The following DSCAML1 variants were observed in gnomAD, a reference collection of about 807,000 sequenced individuals.
DSCAML1 encodes cell adhesion molecule DSCAML1.
A neutral mutation model predicts 200.5 loss-of-function variants in DSCAML1; 38 were observed. The observed-to-expected ratio is 0.19, with a 90% CI of 0.15 to 0.25. DSCAML1 has a LOEUF of 0.25. Among genes scored for constraint, DSCAML1 ranks in the 10% least tolerant of loss-of-function variants. DSCAML1 has a pLI of 1.00. For synonymous variants in DSCAML1, 1,215 were observed against 1,165.0 expected (o/e 1.04, Z -0.87); for missense variants, 2,223 against 2,858.8 (o/e 0.78, Z 5.07).
intron 3 of DSCAML1, among the ~76,000 whole-genome samples, chr11:117,743,479 C>A (rs562533200): frequency 1.2e-4 from 19 of 152,342 alleles, no homozygotes; most frequent in East Asian, 1.9e-4. Context: ...CTCTGTCCCC[C>A]CAAGCTCCAC....
At chr11:117,794,631 C>T (rs974516370) in intron 1 of DSCAML1, among the ~76,000 whole-genome samples, 1 of 151,962 alleles carries the variant, frequency 6.6e-6, no homozygotes, top group Admixed American at 6.6e-5. Context: ...GTAACAGGCT[C>T]GAACATTCAC....
intron 3 of DSCAML1, among the ~76,000 whole-genome samples, chr11:117,666,161 C>T (rs1384916821): frequency 6.6e-6 from 1 of 152,190 alleles, no homozygotes; most frequent in Non-Finnish European, 1.5e-5. Context: ...GCATGGATCT[C>T]AGAAGGCCCT....
At position 117,464,673 on chromosome 11, in the gene DSCAML1, A is replaced by C. The variant is rs2048544227; in HGVS notation, c.3265+269T>G. On this transcript the variant is annotated intron_variant, in intron 17 of 32. Transcript: ENST00000651296. ...GGATGGGGAGACAGGTGGACAGACAAGTGCTCAGACAGGCCAACAGGTCAA... is the reference window on the plus strand; with the variant it reads ...GGATGGGGAGACAGGTGGACAGACACGTGCTCAGACAGGCCAACAGGTCAA... 3.3e-5 allele frequency among the ~76,000 whole-genome samples: 5 copies of C among 152,162 alleles called. No individual in the cohort carries two copies. In the South Asian group the frequency reaches 1.0e-3, roughly 32 times the overall value.
intron 3 of DSCAML1, among the ~76,000 whole-genome samples, chr11:117,624,840 C>T (rs1012352502): frequency 6.6e-6 from 1 of 152,076 alleles, no homozygotes. Context: ...GGCAGGGGCA[C>T]AGATTAATTT....
chr11:117,597,284 G>T (rs1039349465), intron 3 of DSCAML1, among the ~76,000 whole-genome samples: 4 of 152,152 alleles, frequency 2.6e-5, no homozygotes, highest in African/African-American at 9.7e-5. Context: ...TTCAGGACCG[G>T]GGACAGCGCC....
chr11:117,595,584 G>C (rs761368847), intron 3 of DSCAML1, among the ~76,000 whole-genome samples: 22 of 152,202 alleles, frequency 1.4e-4, no homozygotes, highest in Non-Finnish European at 2.4e-4. Context: ...AGGGATAACA[G>C]AACAGGAAGG....
chr11:117,656,224 C>G (rs928121385), intron 3 of DSCAML1, among the ~76,000 whole-genome samples: 1 of 152,198 alleles, frequency 6.6e-6, no homozygotes, highest in African/African-American at 2.4e-5. Context: ...GGCGACAGAG[C>G]AAGACTCCGT....
chr11:117,742,555 C>T (rs943546892), intron 3 of DSCAML1, among the ~76,000 whole-genome samples: 7 of 152,146 alleles, frequency 4.6e-5, no homozygotes, highest in Admixed American at 1.3e-4. Context: ...GGTGACTGGG[C>T]GGTGAGGAGC....
intron 3 of DSCAML1, among the ~76,000 whole-genome samples, chr11:117,619,174 T>A (rs1254592437): frequency 6.6e-6 from 1 of 152,266 alleles, no homozygotes; most frequent in African/African-American, 2.4e-5. Flanking sequence ...GTCGGCCCAG[T>A]GCTCAGTGAC....
intron 3 of DSCAML1, among the ~76,000 whole-genome samples, chr11:117,742,572 A>G (rs1045388773): frequency 2.6e-5 from 4 of 152,218 alleles, no homozygotes; most frequent in African/African-American, 9.7e-5. Flanking sequence ...GAGCATGCCC[A>G]GGGCAGAGAC....
At chr11:117,719,703 C>T (rs907247577) in intron 3 of DSCAML1, among the ~76,000 whole-genome samples, 1 of 152,170 alleles carries the variant, frequency 6.6e-6, no homozygotes, top group Non-Finnish European at 1.5e-5. Context: ...CCCAAGGGTA[C>T]ACAGCTCAAA....
chr11:117,813,655 C>T (rs1359223815), intron 1 of DSCAML1, among the ~76,000 whole-genome samples: 2 of 152,138 alleles, frequency 1.3e-5, no homozygotes, highest in East Asian at 1.9e-4. Context: ...CAGGCCATCA[C>T]CAATCATTCT....
intron 1 of DSCAML1, among the ~76,000 whole-genome samples, chr11:117,816,279 CCT>C (rs1405379831): frequency 6.6e-6 from 1 of 152,162 alleles, no homozygotes; most frequent in Admixed American, 6.5e-5. Context: ...TCAGCACTGC[CCT>C]CCCAATGTCC....
At chr11:117,562,492 C>G (rs1402489262) in intron 3 of DSCAML1, among the ~76,000 whole-genome samples, 5 of 151,974 alleles carry the variant, frequency 3.3e-5, no homozygotes, top group Non-Finnish European at 7.3e-5. Context: ...ATGTGTTTAA[C>G]CCCACTTTGT....
intron 4 of DSCAML1, among the ~76,000 whole-genome samples, chr11:117,531,238 C>G (rs1031023648): frequency 6.6e-6 from 1 of 152,002 alleles, no homozygotes; most frequent in Non-Finnish European, 1.5e-5. Flanking sequence ...GGAAGGACAC[C>G]GAGGCCAGGG....
chr11:117,632,524 C>G lies in DSCAML1; in HGVS notation c.512-100002G>C, dbSNP rs1233971641. ...GCCCCCCGCTCATCCTAGGGTGCAG[C>G]AGGCCATAAAAGGGATTGCTCCTGG... On this transcript the variant is annotated intron_variant, in intron 3 of 32. Coordinates refer to ENST00000651296, the MANE Select transcript of DSCAML1 (RefSeq NM_020693.4). 3.9e-5 allele frequency among the ~76,000 whole-genome samples: 6 copies of G among 152,312 alleles called. 1 individual carries two copies. In the South Asian group the frequency reaches 1.2e-3, roughly 32 times the overall value.
intron 3 of DSCAML1, among the ~76,000 whole-genome samples, chr11:117,548,819 A>G (rs1295962828): frequency 6.6e-6 from 1 of 152,194 alleles, no homozygotes; most frequent in African/African-American, 2.4e-5. Flanking sequence ...CTTGAAATCT[A>G]CAAGGTGGTT....
chr11:117,780,161 A>AGAG lies in DSCAML1; in HGVS notation c.364+331_364+332insCTC, dbSNP rs1565280414. Among the ~76,000 whole-genome samples, 4 of 138,450 alleles carry AGAG rather than the reference A, an allele frequency of 2.9e-5. No homozygotes were observed. In the East Asian group the frequency reaches 6.3e-4, roughly 22 times the overall value. The allele number at this position is 138,450 out of a possible 152,430, so 90.8% of individuals were successfully genotyped here. ...AAAGAAAGAGAGAGAGAGAGAGAGA[A>AGAG]AGAAAGAAAGAAAAAAAGAAAAAAA... On this transcript the variant is annotated intron_variant, in intron 2 of 32. Transcript: ENST00000651296. The surrounding 1 kb of genome is among the most constrained non-coding windows in gnomAD (Gnocchi z 4.8).
intron 3 of DSCAML1, among the ~76,000 whole-genome samples, chr11:117,764,840 A>G (rs2054862920): frequency 6.6e-6 from 1 of 152,174 alleles, no homozygotes; most frequent in Admixed American, 6.5e-5. Flanking sequence ...CCCCAGCCAC[A>G]CGCTCTTAGA....
Sources: gnomAD v4.1 joint callset for allele counts (sites outside exome capture counted in the v4.1 genomes callset) on GRCh38, gnomAD v4.1.1 for gene constraint, Gnocchi (gnomAD v3.1) non-coding constraint, MANE v1.5 for transcripts, NCBI Gene and HGNC (gene_info 2026-07-23, HGNC 2026-07-21) for gene names.